Variants in MSRA observed in about 807,000 individuals in gnomAD.
MSRA encodes the protein mitochondrial peptide methionine sulfoxide reductase.
In MSRA, 54 loss-of-function variants were observed where a neutral mutation model predicts 31.3. That is an observed-to-expected ratio of 1.73 (90% CI 1.39 to 2.17). The LOEUF (loss-of-function observed/expected upper bound fraction) is 2.17, where lower values mean the gene tolerates loss of function less well. MSRA is among the 30% of genes most tolerant of loss of function. The pLI is 0.00. For synonymous variants in MSRA, 169 were observed against 116.5 expected (o/e 1.45, Z -2.90); for missense variants, 507 against 300.9 (o/e 1.69, Z -5.07).
At chr8:10,078,991 C>T (rs1204617649) in intron 1 of MSRA, among the ~76,000 whole-genome samples, 4 of 152,164 alleles carry the variant, frequency 2.6e-5, no homozygotes, top group Non-Finnish European at 2.9e-5. Flanking sequence ...GGGCCGCAGG[C>T]GTGCTGGACA....
intron 1 of MSRA, among the ~76,000 whole-genome samples, chr8:10,111,597 G>A (rs1046103222): frequency 6.6e-6 from 1 of 152,036 alleles, no homozygotes; most frequent in Non-Finnish European, 1.5e-5. Flanking sequence ...ATTTCCAAGT[G>A]GTTTAAAGGC....
In MSRA at chr8:10,428,452, A is replaced by T; in HGVS notation, c.*140A>T. 3 of 932,578 alleles carry T rather than the reference A, an allele frequency of 3.2e-6. No homozygotes were observed. The highest frequency in any genetic ancestry group is 3.1e-5 in the South Asian group (2 of 63,924). The allele number at this position is 932,578 out of a possible 1,614,324, so 57.8% of individuals were successfully genotyped here. A position where few individuals can be genotyped will look rare whatever the true frequency, so the allele number is the denominator to read the frequency against. Reference sequence around the variant, plus strand: ...TTATACAGATTGGGTTTACCGAAGTATAATCTATAGGAGGCGCGATGGCAA... The same window carrying T: ...TTATACAGATTGGGTTTACCGAAGTTTAATCTATAGGAGGCGCGATGGCAA... On this transcript the variant is annotated 3_prime_UTR_variant, in exon 6 of 6. Transcript: ENST00000317173.
intron 5 of MSRA, among the ~76,000 whole-genome samples, chr8:10,408,539 CTAAA>C (rs1487442336): frequency 3.3e-5 from 5 of 151,978 alleles, no homozygotes; most frequent in Non-Finnish European, 7.4e-5. Flanking sequence ...CACCGTATTT[CTAAA>C]TAAATAAGTA....
At chr8:10,213,524 C>T (rs775895881) in intron 2 of MSRA, among the ~76,000 whole-genome samples, 131 of 150,450 alleles carry the variant, frequency 8.7e-4, no homozygotes, top group Non-Finnish European at 1.5e-3. Context: ...GCAACCTCCG[C>T]CTCCTGAGTT....
intron 4 of MSRA, among the ~76,000 whole-genome samples, chr8:10,307,741 C>T (rs144473243): frequency 6.6e-6 from 1 of 152,306 alleles, no homozygotes; most frequent in Non-Finnish European, 1.5e-5. Context: ...CTGGAAACTG[C>T]TCCGGTATAC....
intron 1 of MSRA, among the ~76,000 whole-genome samples, chr8:10,150,268 G>C (rs552855097): frequency 6.6e-6 from 1 of 152,228 alleles, no homozygotes; most frequent in South Asian, 2.1e-4. Context: ...TTACATCTAT[G>C]AATAAAGTGA....
chr8:10,423,716 C>T lies in MSRA; in HGVS notation c.544-4432C>T, dbSNP rs147935297. ...CAGGGCCACCATCTAAAGACTGAACCTGCCCATGGAACTGGCCAGGACTCT... is the reference window on the plus strand; with the variant it reads ...CAGGGCCACCATCTAAAGACTGAACTTGCCCATGGAACTGGCCAGGACTCT... On this transcript the variant is annotated intron_variant, in intron 5 of 5. Coordinates refer to ENST00000317173, the MANE Select transcript of MSRA (RefSeq NM_012331.5). Among the ~76,000 whole-genome samples the T allele has an allele frequency of 2.6e-4, 40 of 152,340 alleles. No individual in the cohort carries two copies. In the East Asian group the frequency reaches 6.9e-3, roughly 26 times the overall value.
Position 10,245,117 on chromosome 8 carries a change from C to G in MSRA, c.225C>G (p.Phe75Leu). 2 of 1,607,372 alleles carry G rather than the reference C, an allele frequency of 1.2e-6. No individual in the cohort carries two copies. Among genetic ancestry groups the G allele is most frequent in the Middle Eastern group, 1.7e-4 (1 of 6,032 alleles). Residue 75 changes from phenylalanine (F) to leucine (L), a missense_variant, in exon 3 of 6, where the codon TTC (phenylalanine) becomes TTG (leucine). Coordinates refer to ENST00000317173, the MANE Select transcript of MSRA (RefSeq NM_012331.5). ...TTCTTTTTTAAGGAATGGGATGTTT[C>G]TGGGGAGCTGAAAGGAAATTCTGGG... is the stretch of plus-strand genomic sequence containing the variant. Reference protein sequence around the residue: ...TQMAVFGMGCFWGAERKFWVL... With the variant: ...TQMAVFGMGCLWGAERKFWVL...
chr8:10,176,771 G>A (rs1474179388), intron 1 of MSRA, among the ~76,000 whole-genome samples: 1 of 152,206 alleles, frequency 6.6e-6, no homozygotes, highest in Non-Finnish European at 1.5e-5. Context: ...TGGGGGCTCA[G>A]AGCAGAACCT....
intron 4 of MSRA, among the ~76,000 whole-genome samples, chr8:10,311,192 G>GCCCACT (rs759565046): frequency 2.0e-5 from 3 of 152,160 alleles, no homozygotes; most frequent in Non-Finnish European, 4.4e-5. Flanking sequence ...AGACCAAATT[G>GCCCACT]CCCACTGAAA....
At chr8:10,308,259 A>G (rs1289249641) in intron 4 of MSRA, among the ~76,000 whole-genome samples, 1 of 152,196 alleles carries the variant, frequency 6.6e-6, no homozygotes, top group African/African-American at 2.4e-5. Context: ...GCTGGTGATG[A>G]ACTCCCAGTT....
At chr8:10,073,280 C>A (rs59759359) in intron 1 of MSRA, among the ~76,000 whole-genome samples, 8 of 152,036 alleles carry the variant, frequency 5.3e-5, no homozygotes, top group East Asian at 1.9e-4. Context: ...TATTGAGTTA[C>A]GGTAGTTCCT....
intron 5 of MSRA, among the ~76,000 whole-genome samples, chr8:10,355,936 C>T (rs182303980): frequency 6.6e-6 from 1 of 152,156 alleles, no homozygotes; most frequent in East Asian, 1.9e-4. Context: ...GTATTCAGTA[C>T]TAGAGCTAGG....
intron 5 of MSRA, among the ~76,000 whole-genome samples, chr8:10,405,874 CAA>C (rs1481989806): frequency 6.6e-6 from 1 of 152,236 alleles, no homozygotes; most frequent in Non-Finnish European, 1.5e-5. Flanking sequence ...CACACATACA[CAA>C]TATTCACACA....
chr8:10,278,430 T>C (rs2975649), intron 3 of MSRA, among the ~76,000 whole-genome samples: 114,280 of 152,180 alleles, frequency 0.75, 42,985 homozygotes, highest in Admixed American at 0.82. Context: ...AAACACACTT[T>C]GGTGGGTGGC....
chr8:10,385,290 G>A (rs1422800864), intron 5 of MSRA, among the ~76,000 whole-genome samples: 1 of 152,184 alleles, frequency 6.6e-6, no homozygotes, highest in Non-Finnish European at 1.5e-5. Context: ...AAGTTGGGGG[G>A]ATTCAGGTTA....
chr8:10,252,337 T>A (rs566999449), intron 3 of MSRA, among the ~76,000 whole-genome samples: 74 of 152,238 alleles, frequency 4.9e-4, no homozygotes, highest in Admixed American at 9.8e-4. Flanking sequence ...AGGGGTGGCT[T>A]TGGAGTGGGA....
intron 4 of MSRA, among the ~76,000 whole-genome samples, chr8:10,309,410 A>T (rs1801314445): frequency 1.3e-5 from 2 of 152,192 alleles, no homozygotes; most frequent in Admixed American, 1.3e-4. Flanking sequence ...GGCCGTTTCC[A>T]TCACCAGCTG....
chr8:10,057,450 C>G (rs1314835448), intron 1 of MSRA, among the ~76,000 whole-genome samples: 1 of 152,176 alleles, frequency 6.6e-6, no homozygotes, highest in Non-Finnish European at 1.5e-5. Context: ...CTCAGAGTGC[C>G]TTCCATTTTG....
Sources: allele counts gnomAD v4.1 joint callset (sites outside exome capture counted in the v4.1 genomes callset), GRCh38; gene constraint gnomAD v4.1.1; transcripts MANE v1.5; gene names NCBI Gene and HGNC (gene_info 2026-07-23, HGNC 2026-07-21).